Variants in CPS1 observed in about 807,000 individuals in gnomAD.
CPS1 encodes carbamoyl-phosphate synthase [ammonia], mitochondrial.
In CPS1, 109 loss-of-function variants were observed where a neutral mutation model predicts 174.6. That is an observed-to-expected ratio of 0.62 (90% CI 0.53 to 0.73). CPS1 has a LOEUF of 0.73. Ranked by LOEUF, CPS1 falls within the 30% of genes least tolerant of loss-of-function variation. The pLI, the probability that CPS1 is intolerant of heterozygous loss-of-function variation, is 0.00. For missense variants in CPS1, 1,689 were observed against 1,821.9 expected (o/e 0.93, Z 1.33); for synonymous variants, 637 against 632.0 (o/e 1.01, Z -0.12).
chr2:210,590,993 C>A, intron 9 of CPS1, 87 bp downstream of exon 9: 2 of 826,952 alleles, frequency 2.4e-6, no homozygotes, highest in Non-Finnish European at 4.0e-6. Context: ...CCTGCCATTT[C>A]TTTAGAGTAA....
At chr2:210,616,678 T>A (rs1018631804) in intron 21 of CPS1, 137 bp downstream of exon 21, 2 of 701,966 alleles carry the variant, frequency 2.8e-6, no homozygotes, top group Admixed American at 4.4e-5. Flanking sequence ...ATAGTACCCG[T>A]AGCCAGAAGA....
chr2:210,605,140 A>C lies in CPS1; in HGVS notation c.1875A>C (p.Ser625=), dbSNP rs1698860002. The C allele has an allele frequency of 1.2e-6, 2 of 1,612,094 alleles. No individual in the cohort carries two copies. Among genetic ancestry groups the C allele is most frequent in the East Asian group, 4.5e-5 (2 of 44,780 alleles). Residue 625 remains serine, a synonymous_variant, in exon 17 of 38, where the codon TCA becomes TCC. Coordinates refer to ENST00000233072, the MANE Select transcript of CPS1 (RefSeq NM_001875.5). ...AMTNQILVEK[S]VTGWKEIEYE... is the part of the protein sequence containing the mutation. ...CCAACCAAATTCTGGTGGAGAAGTC[A>C]GTGACAGGTTGGAAAGAAATAGAAT...
chr2:210,516,347 C>T (rs1695681418), intron 1 of CPS1, among the ~76,000 whole-genome samples: 1 of 151,764 alleles, frequency 6.6e-6, no homozygotes, highest in South Asian at 2.1e-4. Flanking sequence ...TTCTTTCTCT[C>T]TCACCACCTC....
In CPS1 at chr2:210,608,344, T is replaced by G; in HGVS notation, c.2193-17T>G. 2 of 1,609,988 alleles carry G rather than the reference T, an allele frequency of 1.2e-6. No homozygotes were observed. The highest frequency in any genetic ancestry group is 1.7e-6 in the Non-Finnish European group (2 of 1,177,274). On this transcript the variant is annotated splice_polypyrimidine_tract_variant and intron_variant, in intron 18 of 37. Coordinates refer to ENST00000233072, the MANE Select transcript of CPS1 (RefSeq NM_001875.5). ...ATTGCTCGAAGAAAAAAAAATAAAT[T>G]TGTCTTCTTTTTATAGCTACCCATT... is the stretch of plus-strand genomic sequence containing the variant.
At chr2:210,503,027 C>A (rs1695188341) in intron 1 of CPS1, among the ~76,000 whole-genome samples, 1 of 152,162 alleles carries the variant, frequency 6.6e-6, no homozygotes, top group Admixed American at 6.5e-5. Context: ...GTATATGGTT[C>A]TCTTGTGCAG....
chr2:210,670,261 A>T (rs909964909), intron 34 of CPS1, among the ~76,000 whole-genome samples: 2 of 152,132 alleles, frequency 1.3e-5, no homozygotes, highest in South Asian at 4.1e-4. Context: ...ACTTAAGAAA[A>T]TATTTACAGC....
intron 13 of CPS1, among the ~76,000 whole-genome samples, chr2:210,597,806 A>G (rs1392127255): frequency 6.6e-6 from 1 of 151,732 alleles, no homozygotes; most frequent in East Asian, 1.9e-4. Context: ...GGAATGAGAT[A>G]GAGCTATGAA....
intron 4 of CPS1, among the ~76,000 whole-genome samples, chr2:210,578,062 G>C (rs1185393711): frequency 1.3e-5 from 2 of 152,084 alleles, no homozygotes; most frequent in Non-Finnish European, 2.9e-5. Context: ...AATAATGTAA[G>C]AAAAGGGTTA....
At chr2:210,626,602 A>C (rs369884663) in intron 21 of CPS1, among the ~76,000 whole-genome samples, 10 of 152,284 alleles carry the variant, frequency 6.6e-5, no homozygotes, top group African/African-American at 2.2e-4. Context: ...TTATATTGTC[A>C]AAGATTATAT....
intron 7 of CPS1, among the ~76,000 whole-genome samples, chr2:210,589,163 C>T (rs1038397937): frequency 6.6e-6 from 1 of 152,020 alleles, no homozygotes; most frequent in Non-Finnish European, 1.5e-5. Flanking sequence ...TCAGAGTTCC[C>T]TACTGGGCTT....
At chr2:210,618,747 T>C (rs1360430048) in intron 21 of CPS1, 1 of 152,074 alleles carries the variant, frequency 6.6e-6, no homozygotes, top group Admixed American at 6.6e-5. Flanking sequence ...ATTTTAATTA[T>C]ACTCACCATT....
chr2:210,495,253 A>G (rs911516000), intron 1 of CPS1, among the ~76,000 whole-genome samples: 5 of 152,146 alleles, frequency 3.3e-5, no homozygotes, highest in Admixed American at 1.3e-4. Flanking sequence ...TCTTATTTGT[A>G]GGTCATCTGT....
intron 5 of CPS1, among the ~76,000 whole-genome samples, chr2:210,581,688 C>T (rs1169319914): frequency 6.6e-6 from 1 of 152,098 alleles, no homozygotes; most frequent in Non-Finnish European, 1.5e-5. Context: ...GACTTAGAGG[C>T]AGCACTCTGA....
chr2:210,646,011 C>A (rs919760188), intron 25 of CPS1, among the ~76,000 whole-genome samples: 1 of 152,086 alleles, frequency 6.6e-6, no homozygotes, highest in African/African-American at 2.4e-5. Flanking sequence ...GCAGAAATTT[C>A]TTTAAAAACA....
intron 21 of CPS1, among the ~76,000 whole-genome samples, chr2:210,628,049 C>A (rs1306197348): frequency 6.6e-6 from 1 of 152,160 alleles, no homozygotes; most frequent in African/African-American, 2.4e-5. Flanking sequence ...ATTTGCCTAT[C>A]TAAGGTTGAA....
At chr2:210,520,364 G>T (rs1268884568) in intron 1 of CPS1, among the ~76,000 whole-genome samples, 1 of 151,932 alleles carries the variant, frequency 6.6e-6, no homozygotes, top group Non-Finnish European at 1.5e-5. Flanking sequence ...TGTTACATAG[G>T]TATATATGTG....
chr2:210,595,813 G>A (rs1316963270), intron 13 of CPS1, among the ~76,000 whole-genome samples: 1 of 151,878 alleles, frequency 6.6e-6, no homozygotes, highest in Non-Finnish European at 1.5e-5. Context: ...AAATTATTTA[G>A]GTTATTGCCT....
At chr2:210,600,820 C>T (rs1698697955) in intron 15 of CPS1, 108 bp downstream of exon 15, 1 of 1,226,112 alleles carries the variant, frequency 8.2e-7, no homozygotes, top group South Asian at 1.3e-5. Context: ...TACTTGCATG[C>T]ATTTTCTTCT....
intron 23 of CPS1, among the ~76,000 whole-genome samples, chr2:210,639,433 A>G (rs1700140997): frequency 6.6e-6 from 1 of 151,426 alleles, no homozygotes; most frequent in Non-Finnish European, 1.5e-5. Context: ...TAACAAGGTG[A>G]AACCCCGTCT....
Sources: gnomAD v4.1 joint callset for allele counts (sites outside exome capture counted in the v4.1 genomes callset) on GRCh38, gnomAD v4.1.1 for gene constraint, MANE v1.5 for transcripts, NCBI Gene and HGNC (gene_info 2026-07-23, HGNC 2026-07-21) for gene names.